The following EXOC1 variants were observed in gnomAD, a reference collection of about 807,000 sequenced individuals.
EXOC1 encodes exocyst complex component 1.
A neutral mutation model predicts 107.7 loss-of-function variants in EXOC1; 67 were observed. The observed-to-expected ratio is 0.62, with a 90% CI of 0.51 to 0.76. The LOEUF is 0.76. Ranked by LOEUF, EXOC1 falls within the 30% of genes least tolerant of loss-of-function variation. The pLI is 0.00. For missense variants in EXOC1, 833 were observed against 1,055.7 expected (o/e 0.79, Z 2.92); for synonymous variants, 348 against 353.5 (o/e 0.98, Z 0.17).
intron 8 of EXOC1, among the ~76,000 whole-genome samples, chr4:55,874,829 T>G (rs1231808453): frequency 2.6e-5 from 4 of 152,152 alleles, no homozygotes; most frequent in Non-Finnish European, 1.5e-5. Context: ...TCTGGTCAGT[T>G]TACACTAATT....
chr4:55,869,366 A>T (rs185673236), intron 5 of EXOC1, among the ~76,000 whole-genome samples: 129 of 152,312 alleles, frequency 8.5e-4, no homozygotes, highest in African/African-American at 2.9e-3. Flanking sequence ...ACTCTGTCTC[A>T]AAACAAAACA....
rs756182423 is a variant in EXOC1 at position 55,902,332 on chromosome 4, A to C, written c.2338-12A>C. 2 of 1,415,000 alleles carry C rather than the reference A, an allele frequency of 1.4e-6. No homozygotes were observed. The highest frequency in any genetic ancestry group is 3.0e-5 in the African/African-American group (2 of 67,690). The allele number at this position is 1,415,000 out of a possible 1,614,324, so 87.7% of individuals were successfully genotyped here. A position where few individuals can be genotyped will look rare whatever the true frequency, so the allele number is the denominator to read the frequency against. On this transcript the variant is annotated splice_polypyrimidine_tract_variant and intron_variant, in intron 17 of 18. Transcript: ENST00000381295. ...CAGGTCTTAGCCATTGTTTCTTTTCATTTCCTTGAAGCATTTCTTTGAAGG... is the reference window on the plus strand; with the variant it reads ...CAGGTCTTAGCCATTGTTTCTTTTCCTTTCCTTGAAGCATTTCTTTGAAGG...
In EXOC1 at chr4:55,883,874, T is replaced by C. The variant is rs766570069; in HGVS notation, c.1276T>C (p.Phe426Leu). The change falls in exon 10 of 19, where the codon TTT (phenylalanine) becomes CTT (leucine). Residue 426 changes from phenylalanine (F) to leucine (L), a missense_variant. Phe to Leu is a conservative substitution (Grantham distance 22, BLOSUM62 0). Transcript: ENST00000381295. ...ATATGAAAGAGAAATCAAAGATTTC[T>C]TTGAAGTTGCAAAGATCAAGATGAC... ...RLYEREIKDF[F>L]EVAKIKMTGT... is the part of the protein sequence containing the mutation. The C allele has an allele frequency of 1.2e-6, 2 of 1,607,452 alleles. No homozygotes were observed. Among genetic ancestry groups the C allele is most frequent in the Non-Finnish European group, 1.7e-6 (2 of 1,177,878 alleles).
intron 13 of EXOC1, among the ~76,000 whole-genome samples, chr4:55,892,407 T>A (rs1165340398): frequency 6.6e-6 from 1 of 152,104 alleles, no homozygotes; most frequent in Non-Finnish European, 1.5e-5. Context: ...AAATACAACT[T>A]CTCACCCCAC....
rs71192052 is a variant in EXOC1 at position 55,857,168 on chromosome 4, C to CT, written c.-10-1119dup. Among the ~76,000 whole-genome samples the CT allele has an allele frequency of 9.1e-3, 601 of 65,784 alleles. 84 individuals carry two copies. The highest frequency in any genetic ancestry group is 0.027 in the African/African-American group (426 of 15,706). 43.2% of individuals were successfully genotyped at this position (65,784 alleles called of 152,430 possible). On this transcript the variant is annotated intron_variant, in intron 1 of 18. Transcript: ENST00000381295. ...TTTCATTACTTCATTTCCTTTTTTT[C>CT]TTTTTTTTTTTTTTTTTTTTTTTTT...
chr4:55,860,632 A>T (rs1156236614), intron 3 of EXOC1, 91 bp downstream of exon 3: 40 of 1,428,130 alleles, frequency 2.8e-5, no homozygotes, highest in Non-Finnish European at 3.7e-5. Context: ...TCTAAAAACA[A>T]ATTAATATAT....
intron 18 of EXOC1, among the ~76,000 whole-genome samples, chr4:55,902,968 C>G (rs1277613110): frequency 1.3e-5 from 2 of 151,470 alleles, no homozygotes; most frequent in Non-Finnish European, 2.9e-5. Flanking sequence ...CATAGCAAGA[C>G]CTTGTCTCTA....
chr4:55,859,483 A>G (rs566409203), intron 2 of EXOC1, among the ~76,000 whole-genome samples: 2 of 152,246 alleles, frequency 1.3e-5, no homozygotes, highest in East Asian at 1.9e-4. Context: ...ATGGATGTCT[A>G]TCAATCTTGC....
rs911283132 is a variant in EXOC1, at chr4:55,876,709, T to C, written c.1075-1208T>C. 5 of 985,308 alleles carry C rather than the reference T, an allele frequency of 5.1e-6. No individual in the cohort carries two copies. In the Admixed American group the frequency reaches 3.1e-4, roughly 61 times the overall value. 61.0% of individuals were successfully genotyped at this position (985,308 alleles called of 1,614,324 possible). On this transcript the variant is annotated intron_variant, in intron 8 of 18. Transcript: ENST00000381295. ...GTGATATTTTTCTGCCATCTCTAGT[T>C]CAGTTTCCCAAGTTAACCTAAGTAG... is the stretch of plus-strand genomic sequence containing the variant.
intron 11 of EXOC1, 146 bp downstream of exon 11, chr4:55,889,078 A>G (rs1724219549): frequency 1.4e-6 from 1 of 706,700 alleles, no homozygotes. Context: ...ACATGATGGT[A>G]GTGATATGGC....
At chr4:55,895,901 G>A (rs1459497999) in intron 15 of EXOC1, among the ~76,000 whole-genome samples, 1 of 152,174 alleles carries the variant, frequency 6.6e-6, no homozygotes, top group Non-Finnish European at 1.5e-5. Context: ...TGAAAATAGA[G>A]AGTTTGTCTA....
chr4:55,883,950 C>G (rs748783229), intron 10 of EXOC1, 22 bp downstream of exon 10: 2 of 1,493,268 alleles, frequency 1.3e-6, no homozygotes, highest in Non-Finnish European at 1.8e-6. Context: ...CATGTCAGTT[C>G]ATTATCTTCC....
At position 55,869,123 on chromosome 4, in the gene EXOC1, T is replaced by C. The variant is rs181899477; in HGVS notation, c.603+600T>C. ...GCTTACACCTGTAATCTCAACACTT[T>C]CGGAGACTGAGGCGAGCAGATCACC... is the stretch of plus-strand genomic sequence containing the variant. On this transcript the variant is annotated intron_variant, in intron 5 of 18. Coordinates refer to ENST00000381295, the MANE Select transcript of EXOC1 (RefSeq NM_001024924.2). Among the ~76,000 whole-genome samples, 512 of 152,246 alleles carry C rather than the reference T, an allele frequency of 3.4e-3. 1 individual carries two copies. The highest frequency in any genetic ancestry group is 0.011 in the African/African-American group (469 of 41,536).
chr4:55,854,177 A>ACCCCCCCCCCCCCCCCCCC (rs1720730939), intron 1 of EXOC1, among the ~76,000 whole-genome samples: 1 of 64,436 alleles, frequency 1.6e-5, no homozygotes, highest in Non-Finnish European at 3.2e-5. Context: ...CCGGCCCCCC[A>ACCCCCCCCCCCCCCCCCCC]ACCCCAACTC....
intron 8 of EXOC1, chr4:55,877,241 C>G: frequency 1.0e-6 from 1 of 985,356 alleles, no homozygotes; most frequent in Non-Finnish European, 1.2e-6. Context: ...AAAACTCTAG[C>G]AGTCTGTGTA....
chr4:55,893,255 G>A (rs1268001401), intron 14 of EXOC1, among the ~76,000 whole-genome samples: 1 of 152,062 alleles, frequency 6.6e-6, no homozygotes, highest in Non-Finnish European at 1.5e-5. Flanking sequence ...AAGTAGCTGG[G>A]ATTACAGACA....
At chr4:55,877,517 T>TGTA in intron 8 of EXOC1, 1 of 985,022 alleles carries the variant, frequency 1.0e-6, no homozygotes, top group South Asian at 4.7e-5. Flanking sequence ...ATACCATAAA[T>TGTA]GTAGACTGTT....
chr4:55,873,660 T>C (rs983608943), intron 8 of EXOC1, among the ~76,000 whole-genome samples: 2 of 152,204 alleles, frequency 1.3e-5, no homozygotes, highest in East Asian at 1.9e-4. Context: ...ATGTGAGTGA[T>C]GCATGTTAAA....
At chr4:55,883,772 A>G in intron 9 of EXOC1, 51 bp from the exon 10 acceptor site, 3 of 1,172,514 alleles carry the variant, frequency 2.6e-6, no homozygotes, top group Non-Finnish European at 3.5e-6. Flanking sequence ...AAAAATTGAA[A>G]TTGTTATATG....
Sources: gnomAD v4.1 joint callset for allele counts (sites outside exome capture counted in the v4.1 genomes callset) on GRCh38, gnomAD v4.1.1 for gene constraint, MANE v1.5 for transcripts, NCBI Gene and HGNC (gene_info 2026-07-23, HGNC 2026-07-21) for gene names.